The following CHD9 variants were observed in gnomAD, a reference collection of about 807,000 sequenced individuals.
The protein encoded by CHD9 is ATP-dependent chromatin remodeler CHD9.
Under a neutral mutation model 316.1 loss-of-function variants are expected in CHD9, and 77 were observed. The ratio of observed to expected loss-of-function variants is 0.24; its 90% CI spans 0.20 to 0.29. CHD9 has a LOEUF of 0.29. Among genes scored for constraint, CHD9 ranks in the 10% least tolerant of loss-of-function variants. The pLI is 1.00. For synonymous variants in CHD9, 1,129 were observed against 1,158.3 expected, an observed-to-expected ratio of 0.97 and a Z score of 0.51; for missense variants, 2,763 against 3,438.1, an observed-to-expected ratio of 0.80 and a Z score of 4.91.
chr16:53,251,505 C>G (rs936773694), intron 17 of CHD9, among the ~76,000 whole-genome samples: 1 of 152,084 alleles, frequency 6.6e-6, no homozygotes, highest in Admixed American at 6.6e-5. Context: ...GCAAAGTTGC[C>G]CATTTACAGT....
intron 1 of CHD9, among the ~76,000 whole-genome samples, chr16:53,135,605 T>C (rs1181310190): frequency 6.6e-6 from 1 of 152,040 alleles, no homozygotes; most frequent in Non-Finnish European, 1.5e-5. Flanking sequence ...TTTACTGAGA[T>C]GAAGAAGATG....
At chr16:53,091,006 C>A (rs532000432) in intron 1 of CHD9, among the ~76,000 whole-genome samples, 5 of 151,760 alleles carry the variant, frequency 3.3e-5, no homozygotes, top group Non-Finnish European at 4.4e-5. Context: ...AGCTCACCCC[C>A]CCCCGACTGA....
intron 1 of CHD9, among the ~76,000 whole-genome samples, chr16:53,062,899 G>A (rs1007906777): frequency 6.6e-5 from 10 of 152,140 alleles, no homozygotes; most frequent in African/African-American, 9.7e-5. Context: ...GCACATGCCT[G>A]TAATCCCAGA....
chr16:53,178,997 TG>T (rs1404992506), intron 2 of CHD9, among the ~76,000 whole-genome samples: 2 of 151,970 alleles, frequency 1.3e-5, no homozygotes, highest in Non-Finnish European at 2.9e-5. Flanking sequence ...CATTCTAGCC[TG>T]GGCAACATAG....
At chr16:53,131,610 G>A (rs1012096526) in intron 1 of CHD9, among the ~76,000 whole-genome samples, 9 of 151,828 alleles carry the variant, frequency 5.9e-5, no homozygotes, top group African/African-American at 1.9e-4. Context: ...GGGCGGCCAG[G>A]GCGTGGGAAG....
At chr16:53,131,569 G>A (rs2039314905) in intron 1 of CHD9, among the ~76,000 whole-genome samples, 2 of 151,448 alleles carry the variant, frequency 1.3e-5, no homozygotes, top group South Asian at 4.1e-4. Context: ...CACGGCAGCC[G>A]CGCCTGTTGC....
intron 22 of CHD9, among the ~76,000 whole-genome samples, chr16:53,271,401 T>G (rs1034315179): frequency 6.6e-6 from 1 of 151,866 alleles, no homozygotes; most frequent in African/African-American, 2.4e-5. Flanking sequence ...AAACCCCGTC[T>G]CTACTAAAAA....
intron 1 of CHD9, among the ~76,000 whole-genome samples, chr16:53,132,027 G>A (rs529944355): frequency 6.6e-6 from 1 of 152,306 alleles, no homozygotes; most frequent in South Asian, 2.1e-4. Flanking sequence ...AAGCCCGGGT[G>A]TCTCACTGGC....
chr16:53,274,314 A>T lies in CHD9; in HGVS notation c.4967+12A>T. ...GGAGTTGATGCAAGGTAAGTTAAAC[A>T]ATTTTTATTATTTTTGTTTGTTTGT... On this transcript the variant is annotated intron_variant, in intron 24 of 38. Transcript: ENST00000447540. 1 of 1,509,804 alleles carries T rather than the reference A, an allele frequency of 6.6e-7. No homozygotes were observed. The highest frequency in any genetic ancestry group is 9.0e-7 in the Non-Finnish European group (1 of 1,112,080). The allele number at this position is 1,509,804 out of a possible 1,614,324, so 93.5% of individuals were successfully genotyped here. A position where few individuals can be genotyped will look rare whatever the true frequency, so the allele number is the denominator to read the frequency against.
intron 27 of CHD9, among the ~76,000 whole-genome samples, chr16:53,289,236 T>A (rs960528100): frequency 6.6e-6 from 1 of 151,916 alleles, no homozygotes; most frequent in Non-Finnish European, 1.5e-5. Context: ...TAGAAAGATG[T>A]GAAAAAGATG....
intron 1 of CHD9, among the ~76,000 whole-genome samples, chr16:53,123,448 C>T (rs1249561972): frequency 1.3e-5 from 2 of 151,986 alleles, no homozygotes; most frequent in African/African-American, 4.8e-5. Context: ...TATAATCAAA[C>T]AGTCAAGCCT....
rs1400475674 is a variant in CHD9, at chr16:53,269,854, A to G, written c.4717+1728A>G. Among the ~76,000 whole-genome samples the G allele has an allele frequency of 2.0e-5, 3 of 152,142 alleles. No homozygotes were observed. In the East Asian group the frequency reaches 5.8e-4, roughly 29 times the overall value. Reference sequence around the variant, plus strand: ...AGCGTGTTACTGGCATCTAGTGGGTAGAGGCCAGGAGTTCACAGATAGTCT... The same window carrying G: ...AGCGTGTTACTGGCATCTAGTGGGTGGAGGCCAGGAGTTCACAGATAGTCT... On this transcript the variant is annotated intron_variant, in intron 22 of 38. Coordinates refer to ENST00000447540, the MANE Select transcript of CHD9 (RefSeq NM_001308319.2).
At chr16:53,200,336 A>T (rs1056486858) in intron 2 of CHD9, among the ~76,000 whole-genome samples, 9 of 142,222 alleles carry the variant, frequency 6.3e-5, no homozygotes, top group African/African-American at 2.4e-4. Context: ...ACACCACTGC[A>T]CTCCATTCTG....
At chr16:53,099,414 T>G (rs2036645677) in intron 1 of CHD9, 1 of 152,336 alleles carries the variant, frequency 6.6e-6, no homozygotes, top group Non-Finnish European at 1.5e-5. Flanking sequence ...AGCGTTCGGT[T>G]AATTTGGTTT....
chr16:53,180,028 CTTTT>C (rs767442053), intron 2 of CHD9, among the ~76,000 whole-genome samples: 1 of 135,572 alleles, frequency 7.4e-6, no homozygotes. Context: ...ACCTTACCTT[CTTTT>C]TTTTTTTTTT....
intron 1 of CHD9, among the ~76,000 whole-genome samples, chr16:53,125,061 ATCT>A (rs1331638664): frequency 6.6e-6 from 1 of 152,070 alleles, no homozygotes; most frequent in African/African-American, 2.4e-5. Flanking sequence ...CTATTTGTAG[ATCT>A]TCTTTGAAGA....
At chr16:53,219,565 A>C (rs1302073929) in intron 3 of CHD9, among the ~76,000 whole-genome samples, 1 of 151,860 alleles carries the variant, frequency 6.6e-6, no homozygotes, top group African/African-American at 2.4e-5. Flanking sequence ...GAACCAGAAG[A>C]CTCTTGTGTC....
At chr16:53,087,565 G>A (rs557244574) in intron 1 of CHD9, among the ~76,000 whole-genome samples, 1 of 152,106 alleles carries the variant, frequency 6.6e-6, no homozygotes, top group African/African-American at 2.4e-5. Flanking sequence ...GTAAAGCAGG[G>A]GTTACAATAC....
intron 22 of CHD9, among the ~76,000 whole-genome samples, chr16:53,272,489 G>A (rs955329605): frequency 2.0e-5 from 3 of 152,004 alleles, no homozygotes; most frequent in African/African-American, 7.2e-5. Flanking sequence ...AATTGCAAGA[G>A]GAGTCAAAAC....
Sources: allele counts gnomAD v4.1 joint callset (sites outside exome capture counted in the v4.1 genomes callset), GRCh38; gene constraint gnomAD v4.1.1; transcripts MANE v1.5; gene names NCBI Gene and HGNC (gene_info 2026-07-23, HGNC 2026-07-21).